The following FCHSD2 variants were observed in gnomAD, a reference collection of about 807,000 sequenced individuals.
FCHSD2 encodes the protein F-BAR and double SH3 domains protein 2.
FCHSD2 carries 38 observed loss-of-function variants against 108.1 expected under a neutral mutation model. That is an observed-to-expected ratio of 0.35 (90% CI 0.27 to 0.46). The LOEUF is 0.46. Ranked by LOEUF, FCHSD2 falls within the 20% of genes least tolerant of loss-of-function variation. The probability of loss-of-function intolerance (pLI) is 1.00; values close to 1 mark genes in which losing one functional copy is unlikely to be tolerated. For synonymous variants in FCHSD2, 279 were observed against 314.7 expected (o/e 0.89, Z 1.20); for missense variants, 751 against 897.8 (o/e 0.84, Z 2.09).
At chr11:73,015,589 A>G (rs919063144) in intron 4 of FCHSD2, among the ~76,000 whole-genome samples, 1 of 152,186 alleles carries the variant, frequency 6.6e-6, no homozygotes, top group African/African-American at 2.4e-5. Flanking sequence ...CTTGGCTTAT[A>G]TAAGACATGA....
intron 3 of FCHSD2, among the ~76,000 whole-genome samples, chr11:73,066,831 C>T (rs1859305476): frequency 6.6e-6 from 1 of 152,094 alleles, no homozygotes; most frequent in Admixed American, 6.5e-5. Flanking sequence ...AGTCAGGAAA[C>T]AACAGATGCT....
At chr11:73,047,807 T>C (rs1858802968) in intron 3 of FCHSD2, among the ~76,000 whole-genome samples, 1 of 152,232 alleles carries the variant, frequency 6.6e-6, no homozygotes, top group Non-Finnish European at 1.5e-5. Context: ...CCTCAGAATT[T>C]ACTCAGTAAA....
At chr11:73,017,911 T>C (rs980599610) in intron 3 of FCHSD2, among the ~76,000 whole-genome samples, 1 of 152,216 alleles carries the variant, frequency 6.6e-6, no homozygotes, top group East Asian at 1.9e-4. Context: ...CTATTCTTTC[T>C]ATATTTATTA....
chr11:73,054,410 A>G (rs1268716269), intron 3 of FCHSD2, among the ~76,000 whole-genome samples: 1 of 152,180 alleles, frequency 6.6e-6, no homozygotes, highest in Non-Finnish European at 1.5e-5. Context: ...AATACCATTT[A>G]GGTATTTCCT....
chr11:72,950,074 C>A (rs888210477), intron 8 of FCHSD2, among the ~76,000 whole-genome samples: 4 of 152,076 alleles, frequency 2.6e-5, no homozygotes, highest in Admixed American at 2.0e-4. Flanking sequence ...GTCATCCTAG[C>A]GGATGTGAAG....
At chr11:73,097,131 T>C (rs1025452953) in intron 2 of FCHSD2, among the ~76,000 whole-genome samples, 6 of 150,134 alleles carry the variant, frequency 4.0e-5, no homozygotes, top group Admixed American at 6.7e-5. Context: ...GCCTCCCAAA[T>C]AGCTAGAACT....
At chr11:72,986,888 C>A (rs1346819060) in intron 6 of FCHSD2, among the ~76,000 whole-genome samples, 3 of 152,092 alleles carry the variant, frequency 2.0e-5, no homozygotes, top group African/African-American at 4.8e-5. Flanking sequence ...TCTTTACCAC[C>A]TACCCTTCAA....
chr11:72,892,790 G>C (rs1363773578), intron 10 of FCHSD2, among the ~76,000 whole-genome samples: 1 of 151,984 alleles, frequency 6.6e-6, no homozygotes, highest in African/African-American at 2.4e-5. Flanking sequence ...ATTTTTAGTA[G>C]AGACGGGGTT....
intron 3 of FCHSD2, among the ~76,000 whole-genome samples, chr11:73,021,896 C>T (rs11235636): frequency 0.22 from 34,049 of 151,620 alleles, 4,596 homozygotes; most frequent in Middle Eastern, 0.37. Flanking sequence ...ACAAGGAGAC[C>T]CCTGTCTCTG....
chr11:73,012,259 C>T (rs941287128), intron 4 of FCHSD2, among the ~76,000 whole-genome samples: 1 of 152,000 alleles, frequency 6.6e-6, no homozygotes, highest in Non-Finnish European at 1.5e-5. Context: ...AGTGTGTGGG[C>T]GGGGAGCAAG....
At chr11:73,099,958 C>G (rs1308817933) in intron 2 of FCHSD2, among the ~76,000 whole-genome samples, 1 of 152,234 alleles carries the variant, frequency 6.6e-6, no homozygotes, top group Non-Finnish European at 1.5e-5. Flanking sequence ...CTAAGTTTCC[C>G]CAGAAGATGT....
intron 9 of FCHSD2, among the ~76,000 whole-genome samples, chr11:72,903,013 G>T (rs987452566): frequency 1.3e-5 from 2 of 152,076 alleles, no homozygotes; most frequent in African/African-American, 4.8e-5. Context: ...CTCTAAAATT[G>T]TATGGGCCTC....
intron 3 of FCHSD2, among the ~76,000 whole-genome samples, chr11:73,061,353 G>A (rs1170108463): frequency 6.6e-6 from 1 of 152,212 alleles, no homozygotes; most frequent in Non-Finnish European, 1.5e-5. Flanking sequence ...CAGAGCCCTG[G>A]GTTTCAAGTA....
At chr11:73,092,064 G>C (rs905524463) in intron 2 of FCHSD2, among the ~76,000 whole-genome samples, 2 of 152,056 alleles carry the variant, frequency 1.3e-5, no homozygotes, top group Non-Finnish European at 2.9e-5. Flanking sequence ...CTGAAAGTAT[G>C]ATCTCATCTG....
chr11:72,878,343 G>T (rs1042832297), intron 12 of FCHSD2, among the ~76,000 whole-genome samples: 20 of 152,038 alleles, frequency 1.3e-4, no homozygotes, highest in Admixed American at 3.9e-4. Context: ...ATATCAACAT[G>T]AACTCATGAC....
intron 9 of FCHSD2, among the ~76,000 whole-genome samples, chr11:72,915,644 C>T (rs968312097): frequency 6.6e-6 from 1 of 152,054 alleles, no homozygotes; most frequent in African/African-American, 2.4e-5. Flanking sequence ...CAAGGCAAAA[C>T]CCCAGCTCTA....
chr11:72,902,854 T>G (rs764474865), intron 9 of FCHSD2, among the ~76,000 whole-genome samples: 4 of 152,224 alleles, frequency 2.6e-5, no homozygotes, highest in Non-Finnish European at 5.9e-5. Flanking sequence ...TGGAAAGTGA[T>G]AGTTTAGAAA....
At chr11:73,070,614 T>C (rs1859411638) in intron 3 of FCHSD2, among the ~76,000 whole-genome samples, 1 of 151,754 alleles carries the variant, frequency 6.6e-6, no homozygotes, top group African/African-American at 2.4e-5. Flanking sequence ...TTAGTAGAGA[T>C]GGGGTTTCAC....
intron 12 of FCHSD2, among the ~76,000 whole-genome samples, chr11:72,886,865 C>T (rs1855208671): frequency 6.6e-6 from 1 of 152,168 alleles, no homozygotes; most frequent in African/African-American, 2.4e-5. Flanking sequence ...CTAAACACTA[C>T]ACAAAATGTA....
Sources: gnomAD v4.1 joint callset for allele counts (sites outside exome capture counted in the v4.1 genomes callset) on GRCh38, gnomAD v4.1.1 for gene constraint, MANE v1.5 for transcripts, NCBI Gene and HGNC (gene_info 2026-07-23, HGNC 2026-07-21) for gene names.